EPHB1: variants seen among roughly 807,000 people sequenced by gnomAD.
The protein encoded by EPHB1 is EPH receptor B1.
EPHB1 carries 30 observed loss-of-function variants against 94.4 expected under a neutral mutation model. The ratio of observed to expected loss-of-function variants is 0.32; its 90% CI spans 0.24 to 0.43. The LOEUF (loss-of-function observed/expected upper bound fraction) is 0.43. Ranked by LOEUF, EPHB1 falls within the 20% of genes least tolerant of loss-of-function variation. The probability of loss-of-function intolerance (pLI) is 1.00; values close to 1 mark genes in which losing one functional copy is unlikely to be tolerated. For missense variants in EPHB1, 1,055 were observed against 1,308.3 expected (o/e 0.81, Z 2.99); for synonymous variants, 522 against 489.1 (o/e 1.07, Z -0.89).
chr3:134,883,095 T>C (rs2037791940), intron 1 of EPHB1, among the ~76,000 whole-genome samples: 1 of 152,192 alleles, frequency 6.6e-6, no homozygotes, highest in Non-Finnish European at 1.5e-5. Flanking sequence ...GCACTGGGAT[T>C]ACAGGCGTGA....
chr3:135,131,169 A>G (rs1277384308), intron 4 of EPHB1, among the ~76,000 whole-genome samples: 1 of 152,228 alleles, frequency 6.6e-6, no homozygotes, highest in African/African-American at 2.4e-5. Flanking sequence ...AAAATGCTCC[A>G]TGAATTCTGC....
Position 135,258,979 on chromosome 3 carries a change from A to G in EPHB1, c.2847-33A>G, listed in dbSNP as rs373966117. 7.2e-6 allele frequency: 11 copies of G among 1,526,720 alleles called. No individual in the cohort carries two copies. In the East Asian group the frequency reaches 9.3e-5, roughly 13 times the overall value. 94.6% of individuals were successfully genotyped at this position (1,526,720 alleles called of 1,614,324 possible). A position where few individuals can be genotyped will look rare whatever the true frequency, so the allele number is the denominator to read the frequency against. On this transcript the variant is annotated intron_variant, in intron 15 of 15. Coordinates refer to ENST00000398015, the MANE Select transcript of EPHB1 (RefSeq NM_004441.5). ...ATCTGCGAAAAGCTAACCTAACACT[A>G]AAGTGACTTCTTTTCTGGCTCTTTC...
At chr3:135,081,225 TC>T (rs1938152585) in intron 3 of EPHB1, among the ~76,000 whole-genome samples, 3 of 152,320 alleles carry the variant, frequency 2.0e-5, no homozygotes, top group African/African-American at 4.8e-5. Flanking sequence ...AATATGTTCC[TC>T]ACAAGTTCTC....
At chr3:134,870,067 T>C (rs2037467082) in intron 1 of EPHB1, among the ~76,000 whole-genome samples, 1 of 152,116 alleles carries the variant, frequency 6.6e-6, no homozygotes, top group South Asian at 2.1e-4. Flanking sequence ...GTAAGGATAT[T>C]TAAGAGAGTT....
chr3:134,811,242 GTT>G (rs397966930), intron 1 of EPHB1, among the ~76,000 whole-genome samples: 9 of 73,848 alleles, frequency 1.2e-4, no homozygotes, highest in East Asian at 7.5e-4. Flanking sequence ...TACTAAGAAG[GTT>G]TTTTTTTTTT....
chr3:135,201,780 G>A (rs2107713264), intron 12 of EPHB1, 91 bp downstream of exon 12: 1 of 1,279,304 alleles, frequency 7.8e-7, no homozygotes, highest in East Asian at 2.4e-5. Flanking sequence ...CACACTGGGA[G>A]GGAATGGAAC....
intron 3 of EPHB1, chr3:134,977,891 C>G (rs1194948406): frequency 1.1e-5 from 5 of 442,420 alleles, no homozygotes; most frequent in African/African-American, 1.0e-4. Flanking sequence ...CGTCCCAGCC[C>G]TGGTTCTACC....
intron 5 of EPHB1, among the ~76,000 whole-genome samples, chr3:135,136,919 G>A (rs1301046654): frequency 6.6e-6 from 1 of 152,152 alleles, no homozygotes; most frequent in East Asian, 1.9e-4. Context: ...TGTTCCAGTG[G>A]CCAAGTGATC....
chr3:134,951,816 G>A lies in EPHB1; in HGVS notation c.569G>A (p.Arg190His), dbSNP rs771145808. 6.8e-6 allele frequency: 11 copies of A among 1,613,986 alleles called. No individual in the cohort carries two copies. Among genetic ancestry groups the A allele is most frequent in the East Asian group, 2.2e-5 (1 of 44,880 alleles). ...YGACMSLLSV[R>H]VFFKKCPSIV... ...GCCTGTATGTCTCTTCTTTCTGTCC[G>A]TGTCTTCTTCAAAAAGTGTCCCAGC... is the stretch of plus-strand genomic sequence containing the variant. Residue 190 changes from arginine (R) to histidine (H), a missense_variant, in exon 3 of 16, where the codon CGT becomes CAT. Physicochemically the swap from Arg to His is conservative, Grantham distance 29. Transcript: ENST00000398015. The surrounding 1 kb of genome is among the most constrained non-coding windows in gnomAD (Gnocchi z 4.5).
chr3:135,041,440 G>A (rs1936839765), intron 3 of EPHB1, among the ~76,000 whole-genome samples: 1 of 152,128 alleles, frequency 6.6e-6, no homozygotes, highest in Admixed American at 6.5e-5. Flanking sequence ...TTCCTCAAAT[G>A]CAGGTATTCC....
chr3:134,927,643 G>A (rs935133593), intron 2 of EPHB1, among the ~76,000 whole-genome samples: 11 of 152,156 alleles, frequency 7.2e-5, no homozygotes, highest in African/African-American at 2.2e-4. Context: ...CTTGGTTTTT[G>A]TACACAACAC....
chr3:134,889,911 C>T (rs573129634), intron 1 of EPHB1, among the ~76,000 whole-genome samples: 170 of 152,114 alleles, frequency 1.1e-3, no homozygotes, highest in African/African-American at 4.0e-3. Context: ...ATCTCCTGAC[C>T]TCGTGATCCT....
chr3:135,027,145 T>C (rs1285706455), intron 3 of EPHB1, among the ~76,000 whole-genome samples: 1 of 150,450 alleles, frequency 6.6e-6, no homozygotes, highest in East Asian at 1.9e-4. Flanking sequence ...ACATATACAA[T>C]CATGTCATCT....
At chr3:134,992,071 G>A (rs1388218284) in intron 3 of EPHB1, among the ~76,000 whole-genome samples, 2 of 152,072 alleles carry the variant, frequency 1.3e-5, no homozygotes. Flanking sequence ...GAAACTTTAA[G>A]CTTAGGTCAC....
chr3:135,183,046 C>CT (rs59045395), intron 10 of EPHB1, among the ~76,000 whole-genome samples: 48 of 79,140 alleles, frequency 6.1e-4, no homozygotes, highest in Non-Finnish European at 1.1e-3. Context: ...TTCTTTCTTT[C>CT]TTTCTTTCTT....
intron 12 of EPHB1, among the ~76,000 whole-genome samples, chr3:135,234,512 A>C (rs1175920579): frequency 6.6e-6 from 1 of 152,090 alleles, no homozygotes; most frequent in East Asian, 1.9e-4. Flanking sequence ...TCACTACCAC[A>C]TTTTCAGGTA....
intron 5 of EPHB1, among the ~76,000 whole-genome samples, chr3:135,148,118 AT>A (rs1320032444): frequency 1.3e-5 from 2 of 152,244 alleles, no homozygotes; most frequent in African/African-American, 4.8e-5. Context: ...ATTGTGAAGT[AT>A]TTTTAATAAG....
chr3:135,209,652 C>T (rs1440014178), intron 12 of EPHB1, among the ~76,000 whole-genome samples: 1 of 152,262 alleles, frequency 6.6e-6, no homozygotes, highest in Non-Finnish European at 1.5e-5. Flanking sequence ...CTGGGTATAC[C>T]ATGTGATCCT....
intron 3 of EPHB1, among the ~76,000 whole-genome samples, chr3:135,007,912 AG>A (rs1309407051): frequency 1.3e-5 from 2 of 152,210 alleles, no homozygotes; most frequent in African/African-American, 4.8e-5. Context: ...CCCATTTCTC[AG>A]GGATGACGGG....
Sources: gnomAD v4.1 joint callset for allele counts (sites outside exome capture counted in the v4.1 genomes callset) on GRCh38, gnomAD v4.1.1 for gene constraint, Gnocchi (gnomAD v3.1) non-coding constraint, MANE v1.5 for transcripts, NCBI Gene and HGNC (gene_info 2026-07-23, HGNC 2026-07-21) for gene names.